The following PCDH15 variants were observed in gnomAD, a reference collection of about 807,000 sequenced individuals.
The protein encoded by PCDH15 is protocadherin related 15, also known as protocadherin-15.
In PCDH15, 129 loss-of-function variants were observed where a neutral mutation model predicts 178.5. The ratio of observed to expected loss-of-function variants is 0.72; its 90% CI spans 0.63 to 0.84. The LOEUF (loss-of-function observed/expected upper bound fraction) is 0.84, where lower values mean the gene tolerates loss of function less well. Ranked by LOEUF, PCDH15 falls within the 40% of genes least tolerant of loss-of-function variation. PCDH15 has a pLI of 0.00. For missense variants in PCDH15, 2,230 were observed against 2,099.9 expected (o/e 1.06, Z -1.21); for synonymous variants, 800 against 732.0 (o/e 1.09, Z -1.50).
chr10:54,709,030 T>C (rs1452301374), intron 1 of PCDH15, among the ~76,000 whole-genome samples: 2 of 152,128 alleles, frequency 1.3e-5, no homozygotes, highest in Non-Finnish European at 2.9e-5. Context: ...TAGGGAAGAA[T>C]AATTCAAGAT....
intron 3 of PCDH15, among the ~76,000 whole-genome samples, chr10:54,484,052 A>T (rs906168579): frequency 6.6e-6 from 1 of 151,862 alleles, no homozygotes; most frequent in Non-Finnish European, 1.5e-5. Flanking sequence ...ATCTTCAGAA[A>T]TGTGTTTTGC....
chr10:55,231,442 T>C (rs1437317505), intron 1 of PCDH15, among the ~76,000 whole-genome samples: 1 of 151,996 alleles, frequency 6.6e-6, no homozygotes, highest in Non-Finnish European at 1.5e-5. Context: ...GTAAACTACC[T>C]AGCTAAGGCC....
At chr10:55,334,352 G>A (rs575531420) in intron 2 of PCDH15, among the ~76,000 whole-genome samples, 2 of 146,408 alleles carry the variant, frequency 1.4e-5, no homozygotes, top group African/African-American at 2.6e-5. Context: ...TTGTTGCCCA[G>A]GCTGGAGTGC....
chr10:55,213,113 T>G (rs1356194880), intron 1 of PCDH15, among the ~76,000 whole-genome samples: 1 of 152,138 alleles, frequency 6.6e-6, no homozygotes, highest in African/African-American at 2.4e-5. Context: ...GAGTCGCAAT[T>G]TCTGGCGTAG....
intron 3 of PCDH15, among the ~76,000 whole-genome samples, chr10:54,479,903 A>T (rs902810768): frequency 2.6e-5 from 4 of 152,062 alleles, no homozygotes. Context: ...CAGCTACCAC[A>T]ACTCTCAGAA....
rs187790195 is a variant in PCDH15 at position 54,739,339 on chromosome 10, A to G, written c.-29+61586T>C. Among the ~76,000 whole-genome samples, 847 of 151,998 alleles carry G rather than the reference A, an allele frequency of 5.6e-3. 6 individuals carry two copies. Among genetic ancestry groups the G allele is most frequent in the Non-Finnish European group, 6.3e-3 (427 of 67,918 alleles). ...CACAGCTACCAAAAACAAACAAACA[A>G]ACAAAAACCCGGGAATAAATTTAGC... On this transcript the variant is annotated intron_variant, in intron 1 of 37. Coordinates refer to ENST00000644397, the MANE Select transcript of PCDH15 (RefSeq NM_001384140.1).
chr10:54,317,783 A>G (rs767043346), intron 7 of PCDH15, among the ~76,000 whole-genome samples: 1 of 152,178 alleles, frequency 6.6e-6, no homozygotes, highest in South Asian at 2.1e-4. Context: ...AAAAACAACA[A>G]CAAAAAAGAA....
At position 55,556,191 on chromosome 10, in the gene PCDH15, T is replaced by C. The variant is rs11816110; in HGVS notation, c.-156+71434A>G. On this transcript the variant is annotated intron_variant, in intron 2 of 5. Transcript: ENST00000613346. Reference sequence around the variant, plus strand: ...GTGTTTATAATTACACCGTTACTTATTTATTGCCCTAGTGGTGAACACTTA... The same window carrying C: ...GTGTTTATAATTACACCGTTACTTACTTATTGCCCTAGTGGTGAACACTTA... Among the ~76,000 whole-genome samples the C allele has an allele frequency of 6.8e-3, 1,040 of 152,272 alleles. 12 individuals carry two copies. The highest frequency in any genetic ancestry group is 0.024 in the African/African-American group (999 of 41,564).
chr10:54,088,974 C>T (rs928790390), intron 16 of PCDH15, among the ~76,000 whole-genome samples: 1 of 152,176 alleles, frequency 6.6e-6, no homozygotes, highest in Non-Finnish European at 1.5e-5. Context: ...TAAATTGTAG[C>T]TAATTTTTGA....
chr10:55,096,359 T>C (rs1436416265), intron 2 of PCDH15, among the ~76,000 whole-genome samples: 1 of 152,112 alleles, frequency 6.6e-6, no homozygotes, highest in African/African-American at 2.4e-5. Context: ...ACTCAATCAG[T>C]ATAATTTTCA....
intron 3 of PCDH15, among the ~76,000 whole-genome samples, chr10:54,395,731 G>GT (rs1951129570): frequency 6.6e-6 from 1 of 151,684 alleles, no homozygotes; most frequent in Non-Finnish European, 1.5e-5. Context: ...TTATAAGAAT[G>GT]TTTTTTCTAT....
At chr10:55,242,733 C>A (rs1841583877) in intron 1 of PCDH15, among the ~76,000 whole-genome samples, 1 of 152,070 alleles carries the variant, frequency 6.6e-6, no homozygotes, top group African/African-American at 2.4e-5. Flanking sequence ...TGCCTGTAGT[C>A]CCAGCTACCC....
chr10:54,168,721 C>G (rs1432231707), intron 13 of PCDH15, among the ~76,000 whole-genome samples: 1 of 152,062 alleles, frequency 6.6e-6, no homozygotes, highest in African/African-American at 2.4e-5. Context: ...TGGCAGCAAC[C>G]CTGAGACACT....
intron 1 of PCDH15, among the ~76,000 whole-genome samples, chr10:55,258,624 T>G (rs1842068011): frequency 1.3e-5 from 2 of 152,144 alleles, no homozygotes; most frequent in Non-Finnish European, 2.9e-5. Context: ...GTTTGCTTTG[T>G]GCAGAAAGGG....
At chr10:54,754,928 T>TA (rs1946845989) in intron 1 of PCDH15, among the ~76,000 whole-genome samples, 2 of 143,220 alleles carry the variant, frequency 1.4e-5, no homozygotes, top group South Asian at 2.1e-4. Flanking sequence ...TTTTCACACT[T>TA]AGAGTTTTTC....
chr10:55,076,530 C>T (rs898241729), intron 2 of PCDH15, among the ~76,000 whole-genome samples: 1 of 151,434 alleles, frequency 6.6e-6, no homozygotes, highest in East Asian at 1.9e-4. Flanking sequence ...CAGTTCACTG[C>T]GACCTCTGCC....
chr10:54,655,720 A>C (rs898679360), intron 2 of PCDH15: 1 of 152,112 alleles, frequency 6.6e-6, no homozygotes, highest in African/African-American at 2.4e-5. Flanking sequence ...AGGAAAAGAT[A>C]TATGCTTTCA....
chr10:55,414,374 C>T lies in PCDH15; in HGVS notation c.-156+213251G>A, dbSNP rs547970597. Among the ~76,000 whole-genome samples, 176 of 151,600 alleles carry T rather than the reference C, an allele frequency of 1.2e-3. 1 individual carries two copies. Among genetic ancestry groups the T allele is most frequent in the African/African-American group, 3.5e-3 (147 of 41,496 alleles). On this transcript the variant is annotated intron_variant, in intron 2 of 5. Coordinates refer to the PCDH15 transcript ENST00000613346. ...CTTAATGTTCAAAATAAAAAATCCA[C>T]GATTCATTTCACCCATCAGTTCTAT...
At chr10:53,879,166 G>A (rs1357653671) in intron 26 of PCDH15, among the ~76,000 whole-genome samples, 1 of 151,692 alleles carries the variant, frequency 6.6e-6, no homozygotes, top group Non-Finnish European at 1.5e-5. Context: ...CGTGTCACTG[G>A]CTATAAATTC....
Sources: allele counts gnomAD v4.1 joint callset (sites outside exome capture counted in the v4.1 genomes callset), GRCh38; gene constraint gnomAD v4.1.1; transcripts MANE v1.5; gene names NCBI Gene and HGNC (gene_info 2026-07-23, HGNC 2026-07-21).